GRM5: variants seen among roughly 807,000 people sequenced by gnomAD.
GRM5 encodes metabotropic glutamate receptor 5.
GRM5 carries 19 observed loss-of-function variants against 83.1 expected under a neutral mutation model. The observed-to-expected ratio is 0.23, with a 90% CI of 0.16 to 0.34. The LOEUF (loss-of-function observed/expected upper bound fraction) is 0.34, where lower values mean the gene tolerates loss of function less well. GRM5 is among the 10% of genes least tolerant of loss of function. The pLI is 1.00. For synonymous variants in GRM5, 675 were observed against 633.6 expected (o/e 1.07, Z -0.98); for missense variants, 1,160 against 1,588.3 (o/e 0.73, Z 4.58).
At chr11:88,717,602 A>G (rs1345916643) in intron 3 of GRM5, among the ~76,000 whole-genome samples, 1 of 151,898 alleles carries the variant, frequency 6.6e-6, no homozygotes, top group African/African-American at 2.4e-5. Flanking sequence ...ATTAGCTCTA[A>G]GTAAATAAAT....
At chr11:88,595,468 T>C (rs1001643204) in intron 6 of GRM5, among the ~76,000 whole-genome samples, 1 of 152,196 alleles carries the variant, frequency 6.6e-6, no homozygotes, top group Non-Finnish European at 1.5e-5. Context: ...TCAACATTTT[T>C]TATCTTGCAC....
At chr11:88,537,247 A>G (rs887585576) in intron 8 of GRM5, among the ~76,000 whole-genome samples, 1 of 148,536 alleles carries the variant, frequency 6.7e-6, no homozygotes, top group African/African-American at 2.5e-5. Flanking sequence ...AAATTTGACT[A>G]CATAATGGTC....
chr11:88,898,194 C>T lies in GRM5; in HGVS notation c.662-48039G>A, dbSNP rs141592099. ...TGACCTTCTCTCTGTGTATGTCTGT[C>T]TCTGTATCCAAATTTCCCTCTTTTG... On this transcript the variant is annotated intron_variant, in intron 2 of 9. Transcript: ENST00000305447. 2.4e-3 allele frequency among the ~76,000 whole-genome samples: 364 copies of T among 151,962 alleles called. 7 individuals carry two copies. In the East Asian group the frequency reaches 0.06, roughly 25 times the overall value.
chr11:88,586,905 T>C (rs954218817), intron 7 of GRM5, among the ~76,000 whole-genome samples: 2 of 152,164 alleles, frequency 1.3e-5, no homozygotes, highest in South Asian at 2.1e-4. Flanking sequence ...ACTGTCTATA[T>C]AGGATAAATT....
intron 4 of GRM5, among the ~76,000 whole-genome samples, chr11:88,629,416 C>T (rs1938896904): frequency 6.6e-6 from 1 of 152,166 alleles, no homozygotes; most frequent in Admixed American, 6.5e-5. Flanking sequence ...TGTCTTCTCT[C>T]CTTGTTTTAA....
intron 4 of GRM5, 136 bp downstream of exon 4, chr11:88,653,032 A>G (rs1478298432): frequency 2.6e-5 from 16 of 617,662 alleles, no homozygotes; most frequent in East Asian, 5.5e-5. Context: ...GTTTATCACC[A>G]TAAGTGGCAA....
Position 88,739,142 on chromosome 11 carries a change from A to T in GRM5, c.912-85739T>A, listed in dbSNP as rs371542859. On this transcript the variant is annotated intron_variant, in intron 3 of 9. Transcript: ENST00000305447. ...ATAAGCACTTGGGCTTATAAATCCT[A>T]TGTTTGCTTTCTGTAACCTTCGTAG... 5.9e-4 allele frequency among the ~76,000 whole-genome samples: 90 copies of T among 152,190 alleles called. 1 individual carries two copies. The highest frequency in any genetic ancestry group is 2.1e-3 in the African/African-American group (86 of 41,564).
chr11:88,986,951 G>A (rs923701384), intron 2 of GRM5, among the ~76,000 whole-genome samples: 22 of 152,044 alleles, frequency 1.4e-4, no homozygotes, highest in African/African-American at 5.3e-4. Flanking sequence ...ACTTTGGGAG[G>A]CTGAGGTGGG....
At chr11:88,670,136 C>T (rs1219094354) in intron 3 of GRM5, among the ~76,000 whole-genome samples, 2 of 151,758 alleles carry the variant, frequency 1.3e-5, no homozygotes, top group South Asian at 2.1e-4. Flanking sequence ...GGCAACACTG[C>T]AAAGAAGTAG....
rs369806205 is a variant in GRM5 at position 89,047,103 on chromosome 11, C to T, written c.661+109G>A. 4.7e-6 allele frequency: 4 copies of T among 852,442 alleles called. No individual in the cohort carries two copies. The African/African-American group carries it at 5.1e-5, about 11-fold the overall frequency. 52.8% of individuals were successfully genotyped at this position (852,442 alleles called of 1,614,324 possible). ...TCTTATAGTACTGGTATAACTCGGACAATTCAAAATATCCAAAATAATTAG... is the reference window on the plus strand; with the variant it reads ...TCTTATAGTACTGGTATAACTCGGATAATTCAAAATATCCAAAATAATTAG... On this transcript the variant is annotated intron_variant, in intron 2 of 9. Transcript: ENST00000305447. The surrounding 1 kb of genome is among the most constrained non-coding windows in gnomAD (Gnocchi z 5.1).
At chr11:89,057,356 A>G (rs1189592612) in intron 1 of GRM5, among the ~76,000 whole-genome samples, 2 of 130,382 alleles carry the variant, frequency 1.5e-5, no homozygotes, top group African/African-American at 5.4e-5. Context: ...TATCTCAATC[A>G]CACATTTGTG....
intron 3 of GRM5, among the ~76,000 whole-genome samples, chr11:88,834,211 A>G (rs1944050754): frequency 6.6e-6 from 1 of 151,966 alleles, no homozygotes. Context: ...TCTGACTGTA[A>G]AAAAAAATCA....
intron 2 of GRM5, among the ~76,000 whole-genome samples, chr11:88,894,884 C>T (rs774278055): frequency 6.6e-6 from 1 of 151,950 alleles, no homozygotes; most frequent in Admixed American, 6.6e-5. Context: ...CATCAACAAA[C>T]CAGGAAGTGA....
At chr11:88,553,606 G>A (rs1942560040) in intron 8 of GRM5, among the ~76,000 whole-genome samples, 1 of 152,118 alleles carries the variant, frequency 6.6e-6, no homozygotes, top group African/African-American at 2.4e-5. Flanking sequence ...AAATTAAGAT[G>A]GATGGTATAG....
rs373259414 is a variant in GRM5 at position 89,051,579 on chromosome 11, GCACGCCTGTAATCCCAGCTA to G, written c.-200-3527_-200-3508del. On this transcript the variant is annotated intron_variant, in intron 1 of 9. Coordinates refer to ENST00000305447, the MANE Select transcript of GRM5 (RefSeq NM_001143831.3). ...AGAAAAATTAGCTGGATGTGGTGGT[GCACGCCTGTAATCCCAGCTA>G]CTCAGGAGGCTGAGGCAGGAGAATC... is the stretch of plus-strand genomic sequence containing the variant. Among the ~76,000 whole-genome samples, 380 of 151,668 alleles carry G rather than the reference GCACGCCTGTAATCCCAGCTA, an allele frequency of 2.5e-3. 2 individuals are homozygous for G. The highest frequency in any genetic ancestry group is 8.7e-3 in the African/African-American group (359 of 41,380).
intron 3 of GRM5, among the ~76,000 whole-genome samples, chr11:88,780,401 T>A (rs901448397): frequency 6.6e-6 from 1 of 152,154 alleles, no homozygotes; most frequent in Non-Finnish European, 1.5e-5. Flanking sequence ...AGTCATGACT[T>A]AACACTCCTC....
At position 88,975,300 on chromosome 11, in the gene GRM5, A is replaced by C. The variant is rs1591011742; in HGVS notation, c.661+71912T>G. Reference sequence around the variant, plus strand: ...GAAACAATCTGGTATAGAGGAAGGGAGTGAGAAGACATCATTTCTTTTTCT... The same window carrying C: ...GAAACAATCTGGTATAGAGGAAGGGCGTGAGAAGACATCATTTCTTTTTCT... On this transcript the variant is annotated intron_variant, in intron 2 of 9. Coordinates refer to ENST00000305447, the MANE Select transcript of GRM5 (RefSeq NM_001143831.3). Among the ~76,000 whole-genome samples, 6 of 152,348 alleles carry C rather than the reference A, an allele frequency of 3.9e-5. No homozygotes were observed. In the South Asian group the frequency reaches 1.2e-3, roughly 32 times the overall value.
chr11:88,629,051 A>G (rs1292553737), intron 4 of GRM5, among the ~76,000 whole-genome samples: 4 of 152,080 alleles, frequency 2.6e-5, no homozygotes, highest in East Asian at 1.9e-4. Flanking sequence ...GTGCTTTCCT[A>G]TGTGCTCAGG....
rs369929008 is a variant in GRM5 at position 88,969,632 on chromosome 11, C to T, written c.661+77580G>A. ...TATTAACATGGCTTCATGTTAATAG[C>T]TCCATCAAGGATCAGATGTTTATAG... On this transcript the variant is annotated intron_variant, in intron 2 of 9. Coordinates refer to ENST00000305447, the MANE Select transcript of GRM5 (RefSeq NM_001143831.3). 5.1e-4 allele frequency among the ~76,000 whole-genome samples: 78 copies of T among 152,136 alleles called. 3 individuals are homozygous for T. The South Asian group carries it at 0.015, about 30-fold the overall frequency.
Sources: gnomAD v4.1 joint callset for allele counts (sites outside exome capture counted in the v4.1 genomes callset) on GRCh38, gnomAD v4.1.1 for gene constraint, Gnocchi (gnomAD v3.1) non-coding constraint, MANE v1.5 for transcripts, NCBI Gene and HGNC (gene_info 2026-07-23, HGNC 2026-07-21) for gene names.